The following RGMA variants were observed in gnomAD, a reference collection of about 807,000 sequenced individuals.
RGMA encodes repulsive guidance molecule BMP co-receptor a.
RGMA carries 10 observed loss-of-function variants against 23.2 expected under a neutral mutation model. That is an observed-to-expected ratio of 0.43 (90% CI 0.27 to 0.73). The LOEUF (loss-of-function observed/expected upper bound fraction) is 0.73. Among genes scored for constraint, RGMA ranks in the 30% least tolerant of loss-of-function variants. RGMA has a pLI of 0.20. For missense variants in RGMA, 547 were observed against 630.5 expected (o/e 0.87, Z 1.42); for synonymous variants, 308 against 279.3 (o/e 1.10, Z -1.03).
rs541127833 is a variant in RGMA at position 93,054,350 on chromosome 15, G to A, written c.131-1843C>T. On this transcript the variant is annotated intron_variant, in intron 2 of 3. Transcript: ENST00000329082. ...GGTAAATGACAGTCAGGTGGTGCCC[G>A]CTTGATATGGTTCGGCTGTGTCCCC... 9.2e-5 allele frequency among the ~76,000 whole-genome samples: 14 copies of A among 152,142 alleles called. No individual in the cohort carries two copies. The South Asian group carries it at 1.9e-3, about 20-fold the overall frequency.
At chr15:93,067,753 G>A (rs953749114) in intron 2 of RGMA, among the ~76,000 whole-genome samples, 1 of 152,156 alleles carries the variant, frequency 6.6e-6, no homozygotes, top group African/African-American at 2.4e-5. Context: ...GGGAAAAGTC[G>A]GGGGCCGGGA....
intron 2 of RGMA, among the ~76,000 whole-genome samples, chr15:93,065,405 A>AAAAAAAAAGC (rs1895110205): frequency 1.3e-5 from 2 of 152,072 alleles, no homozygotes; most frequent in Admixed American, 1.3e-4. Context: ...GGAAGAAAAA[A>AAAAAAAAAGC]AAAAAAAAGC....
chr15:93,046,305 C>T (rs911042225), intron 3 of RGMA, among the ~76,000 whole-genome samples: 4 of 152,156 alleles, frequency 2.6e-5, no homozygotes, highest in Admixed American at 6.5e-5. Context: ...GATGTGGCCA[C>T]AAACCAAGGG....
rs12442144 is a variant in RGMA at position 93,042,987 on chromosome 15, A to G, written c.*2011T>C. 0.11 allele frequency: 14,153 copies of G among 132,932 alleles called. 2,646 individuals carry two copies. Among genetic ancestry groups the G allele is most frequent in the East Asian group, 0.76 (3,900 of 5,154 alleles). 8.2% of individuals were successfully genotyped at this position (132,932 alleles called of 1,614,324 possible). The stretch of plus-strand genomic sequence containing the variant: ...AGGGCACCATATGTCTCTCCACCAC[A>G]TAGTCACCTGTCTCCCTGACTGTGT... On this transcript the variant is annotated 3_prime_UTR_variant, in exon 4 of 4. Transcript: ENST00000329082.
Position 93,044,891 on chromosome 15 carries a change from G to C in RGMA, c.*107C>G. The C allele has an allele frequency of 1.1e-6, 1 of 935,196 alleles. No individual in the cohort carries two copies. Among genetic ancestry groups the C allele is most frequent in the East Asian group, 2.7e-5 (1 of 37,684 alleles). The allele number at this position is 935,196 out of a possible 1,614,324, so 57.9% of individuals were successfully genotyped here. On this transcript the variant is annotated 3_prime_UTR_variant, in exon 4 of 4. Coordinates refer to ENST00000329082, the MANE Select transcript of RGMA (RefSeq NM_020211.3). ...CAGCAGGCGGTCCCTGGCGTTCTGC[G>C]GGGCCATGGTGGACACGCCAGGAGA...
chr15:93,063,491 C>A (rs1029907840), intron 2 of RGMA, among the ~76,000 whole-genome samples: 2 of 152,244 alleles, frequency 1.3e-5, no homozygotes, highest in African/African-American at 4.8e-5. Flanking sequence ...AGTTGAGATG[C>A]CTGAGGCTGC....
intron 1 of RGMA, among the ~76,000 whole-genome samples, chr15:93,079,954 A>C (rs11637013): frequency 6.6e-6 from 1 of 151,924 alleles, no homozygotes; most frequent in East Asian, 1.9e-4. Flanking sequence ...TGCCATCTTC[A>C]TTATCTGAGG....
chr15:93,077,188 G>C (rs968561736), intron 1 of RGMA, among the ~76,000 whole-genome samples: 1 of 152,078 alleles, frequency 6.6e-6, no homozygotes, highest in Admixed American at 6.5e-5. Flanking sequence ...CAAAGAGCTT[G>C]GGGGAGCCTG....
At chr15:93,046,068 G>A (rs577422938) in intron 3 of RGMA, among the ~76,000 whole-genome samples, 1 of 152,290 alleles carries the variant, frequency 6.6e-6, no homozygotes, top group Non-Finnish European at 1.5e-5. Flanking sequence ...TGGCTCCCAA[G>A]AAGAACATGC....
At chr15:93,050,889 G>A (rs1191863752) in intron 3 of RGMA, among the ~76,000 whole-genome samples, 2 of 152,166 alleles carry the variant, frequency 1.3e-5, no homozygotes, top group Admixed American at 6.5e-5. Flanking sequence ...CCTGGCGTCC[G>A]TCTGTCTTGG....
intron 1 of RGMA, among the ~76,000 whole-genome samples, chr15:93,086,903 A>G (rs576873676): frequency 6.6e-6 from 1 of 152,318 alleles, no homozygotes; most frequent in East Asian, 1.9e-4. Context: ...TTTCTTAGCA[A>G]AAGTCAAAGG....
At position 93,052,101 on chromosome 15, in the gene RGMA, C is replaced by G. The variant is rs1315933036; in HGVS notation, c.537G>C (p.Gln179His). ...PHLRTFTDRF[Q>H]TCKVQGAWPL... ...GCCAGGCGCCCTGCACCTTGCAGGTCTGGAAGCGGTCGGTGAAAGTCCTGA... is the reference window on the plus strand; with the variant it reads ...GCCAGGCGCCCTGCACCTTGCAGGTGTGGAAGCGGTCGGTGAAAGTCCTGA... Residue 179 changes from glutamine (Q) to histidine (H), a missense_variant, in exon 3 of 4, where the codon CAG becomes CAC. This residue lies in a region of RGMA where 128 missense variants were observed against 191.7 expected (regional missense o/e 0.67). Coordinates refer to ENST00000329082, the MANE Select transcript of RGMA (RefSeq NM_020211.3). The G allele has an allele frequency of 2.5e-6, 4 of 1,613,642 alleles. No individual in the cohort carries two copies. In the African/African-American group the frequency reaches 4.0e-5, roughly 16 times the overall value.
chr15:93,058,894 AG>A (rs34853738), intron 2 of RGMA, among the ~76,000 whole-genome samples: 1 of 150,898 alleles, frequency 6.6e-6, no homozygotes, highest in East Asian at 2.0e-4. Flanking sequence ...CTGCATAGGG[AG>A]GTTGGGTAGG....
At chr15:93,088,296 G>C in intron 1 of RGMA, 2 of 985,430 alleles carry the variant, frequency 2.0e-6, no homozygotes, top group Middle Eastern at 5.2e-4. Context: ...GTTGAGCTGC[G>C]GCGCGAGCCG....
chr15:93,065,957 G>C, intron 2 of RGMA: 2 of 870,260 alleles, frequency 2.3e-6, no homozygotes, highest in Admixed American at 2.0e-5. Context: ...AAGAAGGGTG[G>C]GGGGCGCCGT....
In RGMA at chr15:93,045,397, G is replaced by A; in HGVS notation, c.954C>T (p.Gly318=). 6.2e-7 allele frequency: 1 copy of A among 1,613,144 alleles called. No homozygotes were observed. The highest frequency in any genetic ancestry group is 8.5e-7 in the Non-Finnish European group (1 of 1,179,834). The change falls in exon 4 of 4, where the codon GGC becomes GGT. Residue 318 remains glycine, a synonymous_variant. Coordinates refer to ENST00000329082, the MANE Select transcript of RGMA (RefSeq NM_020211.3). This position sits in a 1 kb window ranked among gnomAD's most constrained non-coding sequence, Gnocchi z 6.9. ...DSQGLYLCLR[G]CPLNQQIDFQ... is the part of the protein sequence containing the mutation. ...AGTCGATCTGCTGGTTGAGGGGGCA[G>A]CCCCGCAGGCAGAGGTAGAGACCCT...
intron 3 of RGMA, among the ~76,000 whole-genome samples, chr15:93,046,154 T>C (rs2141794284): frequency 6.6e-6 from 1 of 152,250 alleles, no homozygotes; most frequent in South Asian, 2.1e-4. Context: ...TTAAGAACAC[T>C]GAGATGAAGA....
intron 1 of RGMA, chr15:93,074,137 T>G: frequency 1.5e-6 from 1 of 650,716 alleles, no homozygotes. Context: ...ACACAAATAG[T>G]CCTGAGCAAG....
At chr15:93,088,238 C>A in intron 1 of RGMA, 1 of 939,456 alleles carries the variant, frequency 1.1e-6, no homozygotes, top group Non-Finnish European at 1.3e-6. Flanking sequence ...CCCACACCCG[C>A]CCTCCCATTG....
Sources: allele counts gnomAD v4.1 joint callset (sites outside exome capture counted in the v4.1 genomes callset), GRCh38; gene constraint gnomAD v4.1.1; regional missense constraint gnomAD v4.1.1; non-coding constraint Gnocchi (gnomAD v3.1); transcripts MANE v1.5; gene names NCBI Gene and HGNC (gene_info 2026-07-23, HGNC 2026-07-21).